The following TMEM45A variants were observed in gnomAD, a reference collection of about 807,000 sequenced individuals.
TMEM45A encodes transmembrane protein 45A, also known as DNA polymerase-transactivated protein 4.
Under a neutral mutation model 32.0 loss-of-function variants are expected in TMEM45A, and 25 were observed. That is an observed-to-expected ratio of 0.78 (90% CI 0.57 to 1.09). The LOEUF is 1.09. TMEM45A is among the 50% of genes least tolerant of loss of function. The probability of loss-of-function intolerance (pLI) is 0.00; values close to 1 mark genes in which losing one functional copy is unlikely to be tolerated. For synonymous variants in TMEM45A, 122 were observed against 114.8 expected (o/e 1.06, Z -0.40); for missense variants, 302 against 325.0 (o/e 0.93, Z 0.54).
chr3:100,544,823 C>T (rs958055260), intron 1 of TMEM45A, among the ~76,000 whole-genome samples: 2 of 152,126 alleles, frequency 1.3e-5, no homozygotes, highest in African/African-American at 4.8e-5. Flanking sequence ...TTTGTGTGGA[C>T]ATCGTTTTCA....
intron 1 of TMEM45A, among the ~76,000 whole-genome samples, chr3:100,494,951 G>A (rs546753294): frequency 6.6e-5 from 10 of 152,102 alleles, no homozygotes; most frequent in East Asian, 3.8e-4. Flanking sequence ...GGGTTGTCTC[G>A]AGTACTGAGT....
At chr3:100,561,607 G>GA (rs558507973) in intron 4 of TMEM45A, among the ~76,000 whole-genome samples, 91 of 150,968 alleles carry the variant, frequency 6.0e-4, no homozygotes, top group Middle Eastern at 3.4e-3. Context: ...ATTTAAAAAA[G>GA]AAAAAAAAAT....
At chr3:100,520,242 G>T (rs566029197) in intron 1 of TMEM45A, among the ~76,000 whole-genome samples, 1 of 152,276 alleles carries the variant, frequency 6.6e-6, no homozygotes, top group East Asian at 1.9e-4. Context: ...ATGAGAGCAG[G>T]TCTCATTGAG....
chr3:100,541,530 T>C (rs1379277100), intron 1 of TMEM45A, among the ~76,000 whole-genome samples: 4 of 144,802 alleles, frequency 2.8e-5, no homozygotes, highest in African/African-American at 5.1e-5. Context: ...TTTCCTTTTT[T>C]TTTTTTTTTT....
intron 5 of TMEM45A, chr3:100,573,612 G>T (rs1450054150): frequency 6.6e-6 from 1 of 152,006 alleles, no homozygotes; most frequent in East Asian, 1.9e-4. Flanking sequence ...CTGCCTGATT[G>T]CCCTGGCCAG....
At chr3:100,562,524 T>C (rs1057378340) in intron 4 of TMEM45A, among the ~76,000 whole-genome samples, 1 of 152,236 alleles carries the variant, frequency 6.6e-6, no homozygotes, top group African/African-American at 2.4e-5. Context: ...CTTCTCCTGA[T>C]GTAAACAGCA....
At chr3:100,536,372 C>T (rs1705739903) in intron 1 of TMEM45A, among the ~76,000 whole-genome samples, 1 of 152,186 alleles carries the variant, frequency 6.6e-6, no homozygotes, top group East Asian at 1.9e-4. Flanking sequence ...GTAGCCACTG[C>T]TGGTGTGAGT....
rs747026868 is a variant in TMEM45A at position 100,577,043 on chromosome 3, A to G, written c.*25A>G. The G allele has an allele frequency of 2.5e-6, 4 of 1,570,198 alleles. No homozygotes were observed. Among genetic ancestry groups the G allele is most frequent in the Non-Finnish European group, 2.6e-6 (3 of 1,148,968 alleles). On this transcript the variant is annotated 3_prime_UTR_variant, in exon 6 of 6. Transcript: ENST00000323523. Reference sequence around the variant, plus strand: ...ACTTTGATGAGCTTCCAGTTTTTCTAGATAAACCTTTTCTTTTTTACATTG... The same window carrying G: ...ACTTTGATGAGCTTCCAGTTTTTCTGGATAAACCTTTTCTTTTTTACATTG...
intron 4 of TMEM45A, among the ~76,000 whole-genome samples, chr3:100,560,890 C>G (rs1706318853): frequency 6.6e-6 from 1 of 152,156 alleles, no homozygotes; most frequent in South Asian, 2.1e-4. Context: ...AATAGGTTGG[C>G]TTAGTGTTGC....
At chr3:100,511,384 G>A (rs1040358044) in intron 1 of TMEM45A, among the ~76,000 whole-genome samples, 16 of 151,316 alleles carry the variant, frequency 1.1e-4, no homozygotes, top group Non-Finnish European at 1.9e-4. Context: ...AGCTTCATAA[G>A]TGAAGGAGAA....
intron 1 of TMEM45A, among the ~76,000 whole-genome samples, chr3:100,507,915 T>C (rs1460809058): frequency 6.6e-6 from 1 of 150,882 alleles, no homozygotes; most frequent in African/African-American, 2.4e-5. Flanking sequence ...ACATCTGTTA[T>C]TCACCTTCTC....
intron 1 of TMEM45A, among the ~76,000 whole-genome samples, chr3:100,532,298 C>T (rs573879410): frequency 1.4e-4 from 22 of 152,324 alleles, no homozygotes; most frequent in Admixed American, 1.2e-3. Flanking sequence ...CCTTCTGCAT[C>T]TTTGGCTGGT....
chr3:100,524,976 G>A (rs753771960), intron 1 of TMEM45A, among the ~76,000 whole-genome samples: 1 of 152,116 alleles, frequency 6.6e-6, no homozygotes, highest in Non-Finnish European at 1.5e-5. Flanking sequence ...GATCGCTGTG[G>A]CCAGGAGTTG....
chr3:100,557,810 T>G lies in TMEM45A; in HGVS notation c.404-595T>G, dbSNP rs541307483. Among the ~76,000 whole-genome samples the G allele has an allele frequency of 2.6e-5, 4 of 152,346 alleles. No homozygotes were observed. In the South Asian group the frequency reaches 6.2e-4, roughly 24 times the overall value. On this transcript the variant is annotated intron_variant, in intron 3 of 5. Coordinates refer to ENST00000323523, the MANE Select transcript of TMEM45A (RefSeq NM_018004.3). ...TTTCTCTTTGTCTTCATGAAAAAGATGAAGCTGGAATCTGTCTACAGGATG... is the reference window on the plus strand; with the variant it reads ...TTTCTCTTTGTCTTCATGAAAAAGAGGAAGCTGGAATCTGTCTACAGGATG...
intron 1 of TMEM45A, among the ~76,000 whole-genome samples, chr3:100,533,087 A>G (rs895036832): frequency 5.9e-5 from 9 of 152,176 alleles, no homozygotes; most frequent in African/African-American, 1.9e-4. Flanking sequence ...GTCTTGGTAC[A>G]TAATAGGAGC....
intron 4 of TMEM45A, among the ~76,000 whole-genome samples, chr3:100,566,750 T>A (rs534875161): frequency 3.3e-5 from 5 of 152,170 alleles, no homozygotes; most frequent in Non-Finnish European, 7.4e-5. Context: ...TGATGAACAA[T>A]GATATCCATA....
chr3:100,562,194 GA>G (rs1706350173), intron 4 of TMEM45A, among the ~76,000 whole-genome samples: 1 of 149,152 alleles, frequency 6.7e-6, no homozygotes. Context: ...GTTACAGCAA[GA>G]AAAACTTTTT....
intron 4 of TMEM45A, among the ~76,000 whole-genome samples, chr3:100,568,294 C>A (rs915567968): frequency 6.6e-6 from 1 of 152,024 alleles, no homozygotes; most frequent in Non-Finnish European, 1.5e-5. Flanking sequence ...AGTATGGATG[C>A]CTTTTATTTT....
chr3:100,499,926 T>C (rs1707987507), intron 1 of TMEM45A, among the ~76,000 whole-genome samples: 1 of 152,204 alleles, frequency 6.6e-6, no homozygotes, highest in South Asian at 2.1e-4. Context: ...AAAGAAAAAC[T>C]ATTCTTGTGG....
Sources: gnomAD v4.1 joint callset for allele counts (sites outside exome capture counted in the v4.1 genomes callset) on GRCh38, gnomAD v4.1.1 for gene constraint, MANE v1.5 for transcripts, NCBI Gene and HGNC (gene_info 2026-07-23, HGNC 2026-07-21) for gene names.